The following ELF4 variants were observed in gnomAD, a reference collection of about 807,000 sequenced individuals.
ELF4 encodes E74 like ETS transcription factor 4.
In ELF4, 10 loss-of-function variants were observed where a neutral mutation model predicts 31.7. The ratio of observed to expected loss-of-function variants is 0.32; its 90% CI spans 0.19 to 0.54. The LOEUF (loss-of-function observed/expected upper bound fraction) is 0.54. ELF4 is among the 20% of genes least tolerant of loss of function. The pLI, the probability that ELF4 is intolerant of heterozygous loss-of-function variation, is 0.95. For synonymous variants in ELF4, 208 were observed against 226.7 expected (o/e 0.92, Z 0.74); for missense variants, 418 against 522.0 (o/e 0.80, Z 1.94).
chrX:130,083,519 T>G (rs528677543), intron 1 of ELF4, among the ~76,000 whole-genome samples: 1 of 111,398 alleles, frequency 9.0e-6, no homozygotes, highest in Middle Eastern at 4.6e-3. Context: ...AACTCCTGTG[T>G]GTGTCCCTTC....
rs61193112 is a variant in ELF4, at chrX:130,104,277, T to TACACACACAC, written c.-210+6038_-210+6047dup. On this transcript the variant is annotated intron_variant, in intron 1 of 8. Coordinates refer to ENST00000308167, the MANE Select transcript of ELF4 (RefSeq NM_001421.4). Reference sequence around the variant, plus strand: ...CAGCACTGCCTGCCATTCAGTATATTACACACACACACACACACACACACA... The same window carrying TACACACACAC: ...CAGCACTGCCTGCCATTCAGTATATTACACACACACACACACACACACACACACACACACA... Among the ~76,000 whole-genome samples, 259 of 86,421 alleles carry TACACACACAC rather than the reference T, an allele frequency of 3.0e-3. 1 individual carries two copies. Among genetic ancestry groups the TACACACACAC allele is most frequent in the Middle Eastern group, 0.013 (2 of 158 alleles). 75.0% of individuals were successfully genotyped at this position (86,421 alleles called of 115,157 possible).
intron 1 of ELF4, among the ~76,000 whole-genome samples, chrX:130,081,965 A>G (rs760131695): frequency 3.6e-5 from 4 of 112,105 alleles, no homozygotes; most frequent in East Asian, 2.8e-4. Context: ...AGGCAGCAGC[A>G]TGGAGAATCC....
In ELF4 at chrX:130,066,183, C is replaced by T. The variant is rs1378333565; in HGVS notation, c.*538G>A. The stretch of plus-strand genomic sequence containing the variant: ...CATGAACAAAGGGAATTAGAGAATG[C>T]TTTCCCTTAAAAACAAAATCCCTAT... On this transcript the variant is annotated 3_prime_UTR_variant, in exon 9 of 9. Coordinates refer to ENST00000308167, the MANE Select transcript of ELF4 (RefSeq NM_001421.4). 1.7e-5 allele frequency: 3 copies of T among 175,573 alleles called. No homozygotes were observed. Among genetic ancestry groups the T allele is most frequent in the African/African-American group, 2.9e-5 (1 of 33,966 alleles). 14.5% of individuals were successfully genotyped at this position (175,573 alleles called of 1,213,427 possible). A position where few individuals can be genotyped will look rare whatever the true frequency, so the allele number is the denominator to read the frequency against.
At chrX:130,076,328 C>T (rs767591159) in intron 2 of ELF4, among the ~76,000 whole-genome samples, 6 of 110,467 alleles carry the variant, frequency 5.4e-5, no homozygotes, top group Non-Finnish European at 1.1e-4. Flanking sequence ...AGTTCACACA[C>T]CAGCCTGGGC....
At chrX:130,085,156 G>A (rs1005528403) in intron 1 of ELF4, among the ~76,000 whole-genome samples, 1 of 111,952 alleles carries the variant, frequency 8.9e-6, no homozygotes, top group African/African-American at 3.2e-5. Flanking sequence ...CCCCTCGCAG[G>A]GTGGCAAGAG....
In ELF4 at chrX:130,066,979, T is replaced by G. The variant is rs1187949373; in HGVS notation, c.1734A>C (p.Pro578=). 1 of 1,212,010 alleles carries G rather than the reference T, an allele frequency of 8.3e-7. No homozygotes were observed. The highest frequency in any genetic ancestry group is 2.2e-5 in the Admixed American group (1 of 46,106). ...CCCTGGAAACCACCTGGGTTGGAAG[T>G]GGCTGAAGATGAGCCTGATCTCTCA... ...ELLRDQAHLQ[P]LPTQVVSRGS... The change falls in exon 9 of 9, where the codon CCA becomes CCC. Residue 578 remains proline (P), a synonymous_variant. Transcript: ENST00000308167.
chrX:130,083,999 A>G (rs1932926072), intron 1 of ELF4, among the ~76,000 whole-genome samples: 2 of 111,951 alleles, frequency 1.8e-5, no homozygotes, highest in African/African-American at 3.3e-5. Context: ...AAATGTGCAT[A>G]CCTTCTGGGG....
chrX:130,109,353 T>A (rs1247040381), intron 1 of ELF4, among the ~76,000 whole-genome samples: 2 of 113,053 alleles, frequency 1.8e-5, no homozygotes, highest in Non-Finnish European at 1.9e-5. Flanking sequence ...TTAACTGTTC[T>A]TTCCCACTTT....
intron 8 of ELF4, 129 bp downstream of exon 8, chrX:130,069,171 C>A (rs1306230776): frequency 1.2e-5 from 11 of 912,712 alleles, no homozygotes; most frequent in Admixed American, 5.0e-5. Context: ...TTGCAGTGAG[C>A]AGACATCATG....
intron 7 of ELF4, 84 bp downstream of exon 7, chrX:130,070,956 T>C (rs2056437695): frequency 1.7e-6 from 2 of 1,155,993 alleles, no homozygotes; most frequent in African/African-American, 1.8e-5. Context: ...CAGGTCTCCA[T>C]GAAAGCGAGG....
At chrX:130,109,104 A>C (rs967944687) in intron 1 of ELF4, among the ~76,000 whole-genome samples, 1 of 112,867 alleles carries the variant, frequency 8.9e-6, no homozygotes, top group African/African-American at 3.2e-5. Flanking sequence ...TTTCAGTGCC[A>C]AAGTCTCCCC....
At chrX:130,091,441 T>G (rs1933055862) in intron 1 of ELF4, among the ~76,000 whole-genome samples, 1 of 111,595 alleles carries the variant, frequency 9.0e-6, no homozygotes, top group Admixed American at 9.5e-5. Flanking sequence ...AAAATATATA[T>G]TTTTTCAAAT....
chrX:130,106,673 T>G lies in ELF4; in HGVS notation c.-210+3652A>C, dbSNP rs938137568. Among the ~76,000 whole-genome samples, 42 of 112,014 alleles carry G rather than the reference T, an allele frequency of 3.7e-4. No homozygotes were observed. In the Admixed American group the frequency reaches 3.8e-3, roughly 10 times the overall value. On this transcript the variant is annotated intron_variant, in intron 1 of 8. Transcript: ENST00000308167. ...GAGTTTCCTTTCTCCCCTGCAGAAG[T>G]AGTTTTCAGTCTGAGAACCACAAAA...
chrX:130,070,642 T>C (rs1411639359), intron 7 of ELF4, among the ~76,000 whole-genome samples: 1 of 99,276 alleles, frequency 1.0e-5, no homozygotes, highest in Non-Finnish European at 2.0e-5. Context: ...CGTGGTGGCA[T>C]GCGCCTGTAA....
intron 1 of ELF4, among the ~76,000 whole-genome samples, chrX:130,097,733 T>A (rs1239356886): frequency 2.7e-5 from 3 of 112,827 alleles, no homozygotes; most frequent in Non-Finnish European, 5.6e-5. Context: ...CCATTGATCA[T>A]GTCCTTTGGA....
chrX:130,073,923 A>G, intron 4 of ELF4, 126 bp downstream of exon 4: 4 of 656,015 alleles, frequency 6.1e-6, no homozygotes, highest in East Asian at 3.3e-5. Context: ...AGTCATATGT[A>G]TATCGGTGGG....
intron 5 of ELF4, among the ~76,000 whole-genome samples, chrX:130,071,781 C>T (rs1932789909): frequency 8.9e-6 from 1 of 112,673 alleles, no homozygotes; most frequent in Non-Finnish European, 1.9e-5. Flanking sequence ...TATCAAGCAG[C>T]CATCGCCTGA....
At chrX:130,078,762 T>TACACAC (rs530565075) in intron 2 of ELF4, among the ~76,000 whole-genome samples, 4,296 of 84,804 alleles carry the variant, frequency 0.051, 112 homozygotes, top group Middle Eastern at 0.095. Flanking sequence ...TCTCTCTCTC[T>TACACAC]ACACACACAC....
rs764880211 is a variant in ELF4, at chrX:130,069,504, C to T, written c.983G>A (p.Arg328Gln). The T allele has an allele frequency of 9.9e-6, 12 of 1,211,365 alleles. No homozygotes were observed. In the African/African-American group the frequency reaches 1.0e-4, roughly 10 times the overall value. Reference sequence around the variant, plus strand: ...GGATGAGACCCTGGAGCTGGTTCGCCGGGTGGTACTGGCAGAGGCCACAGA... The same window carrying T: ...GGATGAGACCCTGGAGCTGGTTCGCTGGGTGGTACTGGCAGAGGCCACAGA... ...TASVASASTT[R>Q]RTSSRVSSRS... The change falls in exon 8 of 9, where the codon CGG becomes CAG. Residue 328 changes from arginine (R) to glutamine (Q), a missense_variant. Physicochemically the swap from Arg to Gln is conservative, Grantham distance 43 (BLOSUM62 1). Transcript: ENST00000308167.
Sources: gnomAD v4.1 joint callset for allele counts (sites outside exome capture counted in the v4.1 genomes callset) on GRCh38, gnomAD v4.1.1 for gene constraint, MANE v1.5 for transcripts, NCBI Gene and HGNC (gene_info 2026-07-23, HGNC 2026-07-21) for gene names.